Variants in PCDHGA5 observed in about 807,000 individuals in gnomAD.
The protein encoded by PCDHGA5 is protocadherin gamma-A5.
In PCDHGA5, 36 loss-of-function variants were observed where a neutral mutation model predicts 56.7. The ratio of observed to expected loss-of-function variants is 0.64; its 90% CI spans 0.49 to 0.84. The LOEUF is 0.84. Ranked by LOEUF, PCDHGA5 falls within the 40% of genes least tolerant of loss-of-function variation. The pLI, the probability that PCDHGA5 is intolerant of heterozygous loss-of-function variation, is 0.00. For missense variants in PCDHGA5, 1,305 were observed against 1,201.5 expected (o/e 1.09, Z -1.27); for synonymous variants, 563 against 520.2 (o/e 1.08, Z -1.12).
chr5:141,469,284 A>G lies in PCDHGA5; in HGVS notation c.2422-25523A>G, dbSNP rs192391622. On this transcript the variant is annotated intron_variant, in intron 1 of 3. Transcript: ENST00000518069. ...AGAGCAAGACCCCATCTCAAAAAAT[A>G]AAACAAAATAGACTGGGCACGATGG... Among the ~76,000 whole-genome samples, 595 of 152,012 alleles carry G rather than the reference A, an allele frequency of 3.9e-3. 6 individuals are homozygous for G. The highest frequency in any genetic ancestry group is 0.011 in the Admixed American group (171 of 15,260).
At chr5:141,443,662 C>A (rs1427397469) in intron 1 of PCDHGA5, among the ~76,000 whole-genome samples, 2 of 152,178 alleles carry the variant, frequency 1.3e-5, no homozygotes, top group African/African-American at 4.8e-5. Context: ...TAGCATTTTA[C>A]TGAACTAGTA....
chr5:141,389,602 T>G, intron 1 of PCDHGA5: 2 of 1,613,170 alleles, frequency 1.2e-6, no homozygotes, highest in African/African-American at 2.7e-5. Flanking sequence ...TCTGCGCTCT[T>G]CGATATGGTG....
At chr5:141,416,553 ACT>A (rs932477065) in intron 1 of PCDHGA5, 2 of 152,100 alleles carry the variant, frequency 1.3e-5, no homozygotes, top group Non-Finnish European at 2.9e-5. Context: ...AACACCTGAA[ACT>A]CTGAAAACTC....
rs1263406836 is a variant in PCDHGA5 at position 141,491,918 on chromosome 5, G to A, written c.2422-2889G>A. On this transcript the variant is annotated intron_variant, in intron 1 of 3. Coordinates refer to ENST00000518069, the MANE Select transcript of PCDHGA5 (RefSeq NM_018918.3). The surrounding 1 kb of genome is among the most constrained non-coding windows in gnomAD (Gnocchi z 6.9). ...GCACCGGGGGTGGTGGCGACTGTGGGCGAGGGGAGGTGGGACCGACCCCCA... is the reference window on the plus strand; with the variant it reads ...GCACCGGGGGTGGTGGCGACTGTGGACGAGGGGAGGTGGGACCGACCCCCA... 2 of 1,371,698 alleles carry A rather than the reference G, an allele frequency of 1.5e-6. No homozygotes were observed. Among genetic ancestry groups the A allele is most frequent in the Non-Finnish European group, 1.9e-6 (2 of 1,028,962 alleles). 85.0% of individuals were successfully genotyped at this position (1,371,698 alleles called of 1,614,324 possible).
chr5:141,430,790 A>G, intron 1 of PCDHGA5: 1 of 1,516,892 alleles, frequency 6.6e-7, no homozygotes, highest in South Asian at 1.3e-5. Context: ...CCGGGACTAC[A>G]AAGGGCTTGT....
chr5:141,490,775 A>G lies in PCDHGA5; in HGVS notation c.2422-4032A>G. 6 of 1,614,110 alleles carry G rather than the reference A, an allele frequency of 3.7e-6. No homozygotes were observed. Among genetic ancestry groups the G allele is most frequent in the Non-Finnish European group, 5.1e-6 (6 of 1,179,964 alleles). On this transcript the variant is annotated intron_variant, in intron 1 of 3. Transcript: ENST00000518069. The surrounding 1 kb of genome is among the most constrained non-coding windows in gnomAD (Gnocchi z 5.4). ...TCCTCCTTTGTGTATGTCAACCCAG[A>G]GGATGGACGGATCTTTGCCCAGCGT...
intron 1 of PCDHGA5, chr5:141,371,315 G>A: frequency 6.2e-7 from 1 of 1,613,958 alleles, no homozygotes; most frequent in Non-Finnish European, 8.5e-7. Context: ...TTGGAGAACT[G>A]GACTTTGAAG....
intron 1 of PCDHGA5, chr5:141,419,135 G>A (rs2096331504): frequency 3.1e-6 from 5 of 1,613,910 alleles, no homozygotes; most frequent in Non-Finnish European, 4.2e-6. Flanking sequence ...CGCAGCCACA[G>A]ACAGGGGCAA....
rs776854254 is a variant in PCDHGA5 at position 141,487,285 on chromosome 5, C to T, written c.2422-7522C>T. On this transcript the variant is annotated intron_variant, in intron 1 of 3. Coordinates refer to ENST00000518069, the MANE Select transcript of PCDHGA5 (RefSeq NM_018918.3). This position sits in a 1 kb window ranked among gnomAD's most constrained non-coding sequence, Gnocchi z 5.0. The stretch of plus-strand genomic sequence containing the variant: ...CCCTAGTGGCAATTTGCTTTGTCTC[C>T]TTTGGCTCATTCGTGGCACTACTCT... 8 of 1,614,148 alleles carry T rather than the reference C, an allele frequency of 5.0e-6. No homozygotes were observed. The highest frequency in any genetic ancestry group is 6.8e-6 in the Non-Finnish European group (8 of 1,180,036).
Position 141,367,146 on chromosome 5 carries a change from A to G in PCDHGA5, c.2421+395A>G, listed in dbSNP as rs900796312. 2.4e-5 allele frequency: 4 copies of G among 168,774 alleles called. No individual in the cohort carries two copies. In the East Asian group the frequency reaches 5.2e-4, roughly 22 times the overall value. 10.5% of individuals were successfully genotyped at this position (168,774 alleles called of 1,614,324 possible). A position where few individuals can be genotyped will look rare whatever the true frequency, so the allele number is the denominator to read the frequency against. ...ATGTGTTTTGGAAAGGATAATGTAT[A>G]GGACTGATATTTTAGTCTACCTGAA... is the stretch of plus-strand genomic sequence containing the variant. On this transcript the variant is annotated intron_variant, in intron 1 of 3. Transcript: ENST00000518069.
In PCDHGA5 at chr5:141,432,897, C is replaced by A. The variant is rs780142081; in HGVS notation, c.2422-61910C>A. 1.2e-6 allele frequency: 2 copies of A among 1,614,178 alleles called. No individual in the cohort carries two copies. Among genetic ancestry groups the A allele is most frequent in the Non-Finnish European group, 1.7e-6 (2 of 1,180,010 alleles). On this transcript the variant is annotated intron_variant, in intron 1 of 3. Coordinates refer to ENST00000518069, the MANE Select transcript of PCDHGA5 (RefSeq NM_018918.3). The surrounding 1 kb of genome is among the most constrained non-coding windows in gnomAD (Gnocchi z 6.0). ...CTGGCCTTCGTCATCTTGCTGCTGGCGCTCAGGCTGCGGCGCTGGCACAAG... is the reference window on the plus strand; with the variant it reads ...CTGGCCTTCGTCATCTTGCTGCTGGAGCTCAGGCTGCGGCGCTGGCACAAG...
At chr5:141,418,512 G>C (rs776986277) in intron 1 of PCDHGA5, 1 of 1,613,966 alleles carries the variant, frequency 6.2e-7, no homozygotes, top group Non-Finnish European at 8.5e-7. Context: ...TTAGATGGTG[G>C]GGACCCTCCC....
chr5:141,466,573 C>T (rs2099125317), intron 1 of PCDHGA5, among the ~76,000 whole-genome samples: 1 of 152,104 alleles, frequency 6.6e-6, no homozygotes, highest in South Asian at 2.1e-4. Context: ...TCAACATTGT[C>T]TCATCCCTTC....
chr5:141,420,744 C>T (rs1202150921), intron 1 of PCDHGA5, among the ~76,000 whole-genome samples: 8 of 152,194 alleles, frequency 5.3e-5, no homozygotes, highest in Admixed American at 5.2e-4. Context: ...TCAATTGGAA[C>T]CAACTACAAC....
At chr5:141,426,029 A>G (rs576464127) in intron 1 of PCDHGA5, among the ~76,000 whole-genome samples, 13 of 152,216 alleles carry the variant, frequency 8.5e-5, no homozygotes, top group Non-Finnish European at 1.9e-4. Flanking sequence ...AAATAGACTC[A>G]GAGCCCTGCT....
At chr5:141,446,461 A>G (rs1273508266) in intron 1 of PCDHGA5, among the ~76,000 whole-genome samples, 1 of 151,298 alleles carries the variant, frequency 6.6e-6, no homozygotes, top group Non-Finnish European at 1.5e-5. Flanking sequence ...TCAGTGTGTG[A>G]TTAGACATAT....
intron 1 of PCDHGA5, chr5:141,492,027 A>T (rs1157170828): frequency 8.8e-6 from 5 of 565,466 alleles, no homozygotes; most frequent in African/African-American, 7.7e-5. Flanking sequence ...GGGTCCCGGG[A>T]GGAGGCAGTC....
chr5:141,390,187 G>T, intron 1 of PCDHGA5: 1 of 1,614,040 alleles, frequency 6.2e-7, no homozygotes, highest in Non-Finnish European at 8.5e-7. Flanking sequence ...CTAAAATGTA[G>T]TGAGCAGTTG....
intron 1 of PCDHGA5, chr5:141,408,218 G>A: frequency 6.4e-7 from 1 of 1,557,454 alleles, no homozygotes; most frequent in South Asian, 1.2e-5. Context: ...AGGGAGCTGC[G>A]CGCAGAGGCG....
Sources: gnomAD v4.1 joint callset for allele counts (sites outside exome capture counted in the v4.1 genomes callset) on GRCh38, gnomAD v4.1.1 for gene constraint, Gnocchi (gnomAD v3.1) non-coding constraint, MANE v1.5 for transcripts, NCBI Gene and HGNC (gene_info 2026-07-23, HGNC 2026-07-21) for gene names.